ARHGEF12: variants seen among roughly 807,000 people sequenced by gnomAD.
The protein encoded by ARHGEF12 is Rho guanine nucleotide exchange factor 12, also known as KMT2A/ARHGEF12 fusion protein.
A neutral mutation model predicts 211.2 loss-of-function variants in ARHGEF12; 66 were observed. The ratio of observed to expected loss-of-function variants is 0.31; its 90% CI spans 0.26 to 0.38. The LOEUF (loss-of-function observed/expected upper bound fraction) is 0.38, where lower values mean the gene tolerates loss of function less well. ARHGEF12 is among the 10% of genes least tolerant of loss of function. The pLI is 1.00. For missense variants in ARHGEF12, 1,429 were observed against 1,869.5 expected, an observed-to-expected ratio of 0.76 and a Z score of 4.34; for synonymous variants, 592 against 638.4, an observed-to-expected ratio of 0.93 and a Z score of 1.09.
intron 1 of ARHGEF12, among the ~76,000 whole-genome samples, chr11:120,373,877 G>T (rs768831316): frequency 2.0e-5 from 3 of 152,122 alleles, no homozygotes; most frequent in Non-Finnish European, 2.9e-5. Context: ...GCGCGATCTC[G>T]GCTCACCACA....
chr11:120,409,346 G>T, intron 3 of ARHGEF12, 48 bp from the exon 4 acceptor site: 1 of 1,587,308 alleles, frequency 6.3e-7, no homozygotes, highest in African/African-American at 1.3e-5. Context: ...CCCTTACATT[G>T]TCTCCATATT....
At chr11:120,452,850 GC>G (rs1946252584) in intron 22 of ARHGEF12, among the ~76,000 whole-genome samples, 1 of 152,042 alleles carries the variant, frequency 6.6e-6, no homozygotes, top group Non-Finnish European at 1.5e-5. Context: ...ACAAAAATTG[GC>G]CAGGCATGGT....
At chr11:120,373,422 G>A (rs1450106923) in intron 1 of ARHGEF12, among the ~76,000 whole-genome samples, 4 of 152,054 alleles carry the variant, frequency 2.6e-5, no homozygotes, top group African/African-American at 9.7e-5. Context: ...ATAATATTAT[G>A]GCAGCAAAAC....
In ARHGEF12 at chr11:120,336,920, G is replaced by A; in HGVS notation, c.-324G>A. 2.3e-6 allele frequency: 1 copy of A among 437,730 alleles called. No homozygotes were observed. The highest frequency in any genetic ancestry group is 3.5e-5 in the East Asian group (1 of 28,698). The allele number at this position is 437,730 out of a possible 1,614,324, so 27.1% of individuals were successfully genotyped here. A position where few individuals can be genotyped will look rare whatever the true frequency, so the allele number is the denominator to read the frequency against. ...GCCCCAGCCCCGGCGGGAGTCCCGG[G>A]TCCCCTTCCCACTGCGCGCGGATTT... On this transcript the variant is annotated 5_prime_UTR_variant, in exon 1 of 41. Coordinates refer to ENST00000397843, the MANE Select transcript of ARHGEF12 (RefSeq NM_015313.3).
intron 4 of ARHGEF12, among the ~76,000 whole-genome samples, chr11:120,413,246 C>G (rs916934920): frequency 5.9e-5 from 9 of 152,162 alleles, no homozygotes; most frequent in Non-Finnish European, 4.4e-5. Flanking sequence ...GAATTACCAC[C>G]TATAACTTAG....
rs1246453894 is a variant in ARHGEF12, at chr11:120,448,293, A to C, written c.1682A>C (p.Glu561Ala). ...YMKHLGVKVK[E>A]PRNLEHKRGR... Reference sequence around the variant, plus strand: ...AAGCATTTGGGAGTAAAAGTGAAAGAGCCTCGAAATTTGGAGCACAAACGG... The same window carrying C: ...AAGCATTTGGGAGTAAAAGTGAAAGCGCCTCGAAATTTGGAGCACAAACGG... The change falls in exon 20 of 41, where the codon GAG becomes GCG. Residue 561 changes from glutamate to alanine, a missense_variant. By Grantham distance (107) the Glu-to-Ala change is moderately radical (BLOSUM62 -1). This residue lies in a region of ARHGEF12 where 373 missense variants were observed against 467.5 expected (regional missense o/e 0.80). Transcript: ENST00000397843. The C allele has an allele frequency of 1.2e-6, 2 of 1,614,168 alleles. No homozygotes were observed. The highest frequency in any genetic ancestry group is 1.7e-6 in the Non-Finnish European group (2 of 1,180,004).
chr11:120,470,328 T>G (rs1001531214), intron 30 of ARHGEF12, among the ~76,000 whole-genome samples: 1 of 152,152 alleles, frequency 6.6e-6, no homozygotes, highest in Non-Finnish European at 1.5e-5. Flanking sequence ...GAGAAGTATT[T>G]AGAAGGTAAA....
intron 12 of ARHGEF12, among the ~76,000 whole-genome samples, chr11:120,438,294 T>C (rs1945755550): frequency 1.1e-5 from 1 of 95,088 alleles, no homozygotes; most frequent in South Asian, 3.5e-4. Context: ...ACCTAATTTC[T>C]TTTTTTTAAT....
chr11:120,398,748 G>T (rs1250071225), intron 1 of ARHGEF12, among the ~76,000 whole-genome samples: 1 of 152,096 alleles, frequency 6.6e-6, no homozygotes, highest in Non-Finnish European at 1.5e-5. Context: ...TAATGAAAAA[G>T]AATTTCCGCA....
chr11:120,389,091 G>A (rs187494106), intron 1 of ARHGEF12, among the ~76,000 whole-genome samples: 3 of 151,910 alleles, frequency 2.0e-5, no homozygotes, highest in African/African-American at 4.8e-5. Flanking sequence ...GGCTGGTTTC[G>A]AACTCCTGAC....
At chr11:120,425,302 C>T (rs1484775950) in intron 7 of ARHGEF12, among the ~76,000 whole-genome samples, 1 of 150,500 alleles carries the variant, frequency 6.6e-6, no homozygotes, top group Middle Eastern at 3.5e-3. Flanking sequence ...ATCCTTTAAC[C>T]TTACCTGCTT....
In ARHGEF12 at chr11:120,420,749, G is replaced by A; in HGVS notation, c.200-4G>A. The A allele has an allele frequency of 1.2e-6, 2 of 1,612,872 alleles. No homozygotes were observed. Among genetic ancestry groups the A allele is most frequent in the Middle Eastern group, 3.3e-4 (2 of 6,052 alleles). On this transcript the variant is annotated splice_region_variant and splice_polypyrimidine_tract_variant and intron_variant, in intron 4 of 40. Coordinates refer to ENST00000397843, the MANE Select transcript of ARHGEF12 (RefSeq NM_015313.3). ...TCTTGTTTTACACTGTGGTTCTTGT[G>A]CAGGTCTTGTTCAGCGTTGCGTAAT...
chr11:120,394,860 C>T (rs946085189), intron 1 of ARHGEF12, among the ~76,000 whole-genome samples: 4 of 151,674 alleles, frequency 2.6e-5, no homozygotes, highest in Non-Finnish European at 4.4e-5. Context: ...GAGTTCAAGA[C>T]CAGCCTGGCC....
chr11:120,413,294 C>G (rs1436558887), intron 4 of ARHGEF12, among the ~76,000 whole-genome samples: 1 of 152,210 alleles, frequency 6.6e-6, no homozygotes, highest in East Asian at 1.9e-4. Flanking sequence ...TCAAGTACTG[C>G]CTTTTCCTAG....
intron 10 of ARHGEF12, 127 bp from the exon 11 acceptor site, chr11:120,431,644 A>G: frequency 3.1e-6 from 3 of 953,844 alleles, no homozygotes; most frequent in Non-Finnish European, 4.3e-6. Context: ...ATACTTGAGC[A>G]TATCAGAATG....
intron 17 of ARHGEF12, 58 bp from the exon 18 acceptor site, chr11:120,446,890 C>T: frequency 6.4e-7 from 1 of 1,572,258 alleles, no homozygotes; most frequent in Non-Finnish European, 8.6e-7. Context: ...ATGAAGCGTC[C>T]CCAGAATGAG....
intron 1 of ARHGEF12, among the ~76,000 whole-genome samples, chr11:120,390,478 A>G (rs11217852): frequency 0.44 from 67,440 of 152,044 alleles, 15,568 homozygotes; most frequent in African/African-American, 0.57. Flanking sequence ...CTCTTTAAAT[A>G]TATAGCTGGC....
At position 120,480,125 on chromosome 11, in the gene ARHGEF12, G is replaced by T. The variant is rs1318320362; in HGVS notation, c.3932G>T (p.Gly1311Val). 8.7e-6 allele frequency: 14 copies of T among 1,614,084 alleles called. No individual in the cohort carries two copies. The highest frequency in any genetic ancestry group is 1.2e-5 in the Non-Finnish European group (14 of 1,180,052). ...ENIKAYHSGEGHMPFRTGTGD... is the reference protein window; with the variant it reads ...ENIKAYHSGEVHMPFRTGTGD... The stretch of plus-strand genomic sequence containing the variant: ...ATTAAGGCCTATCATTCTGGTGAAG[G>T]ACATATGCCCTTTAGAACTGGAACT... Residue 1311 changes from glycine to valine, a missense_variant, in exon 38 of 41, where the codon GGA becomes GTA. By Grantham distance (109) the Gly-to-Val change is moderately radical (BLOSUM62 -3). This residue lies in a region of ARHGEF12 where 467 missense variants were observed against 468.4 expected (regional missense o/e 1.00). Coordinates refer to ENST00000397843, the MANE Select transcript of ARHGEF12 (RefSeq NM_015313.3).
intron 31 of ARHGEF12, among the ~76,000 whole-genome samples, chr11:120,473,597 G>A (rs983857837): frequency 9.9e-5 from 15 of 152,080 alleles, no homozygotes; most frequent in African/African-American, 1.9e-4. Context: ...ACAAGGTCTC[G>A]CTGTGTTGTC....
Sources: allele counts gnomAD v4.1 joint callset (sites outside exome capture counted in the v4.1 genomes callset), GRCh38; gene constraint gnomAD v4.1.1; regional missense constraint gnomAD v4.1.1; transcripts MANE v1.5; gene names NCBI Gene and HGNC (gene_info 2026-07-23, HGNC 2026-07-21).